MAST2: variants seen among roughly 807,000 people sequenced by gnomAD.
MAST2 encodes the protein microtubule-associated serine/threonine-protein kinase 2.
A neutral mutation model predicts 147.4 loss-of-function variants in MAST2; 70 were observed. The observed-to-expected ratio is 0.47, with a 90% CI of 0.39 to 0.58. The LOEUF (loss-of-function observed/expected upper bound fraction) is 0.58. MAST2 is among the 20% of genes least tolerant of loss of function. The pLI, the probability that MAST2 is intolerant of heterozygous loss-of-function variation, is 0.00. For synonymous variants in MAST2, 869 were observed against 896.8 expected (o/e 0.97, Z 0.55); for missense variants, 2,080 against 2,302.3 (o/e 0.90, Z 1.98).
chr1:45,885,194 G>T (rs1396608779), intron 4 of MAST2, among the ~76,000 whole-genome samples: 3 of 152,120 alleles, frequency 2.0e-5, no homozygotes, highest in Admixed American at 2.0e-4. Context: ...GTCTTGGTCA[G>T]AAGGAGGGGG....
chr1:45,917,535 T>C (rs779008087), intron 4 of MAST2: 1 of 1,366,330 alleles, frequency 7.3e-7, no homozygotes, highest in South Asian at 1.1e-5. Flanking sequence ...GCCGTGGAGG[T>C]AAGGAAACTT....
chr1:45,883,386 G>T (rs1315166148), intron 4 of MAST2, among the ~76,000 whole-genome samples: 1 of 152,130 alleles, frequency 6.6e-6, no homozygotes, highest in African/African-American at 2.4e-5. Flanking sequence ...TGAGGTTTTT[G>T]TGAAGCCTTT....
Position 46,023,396 on chromosome 1 carries a change from G to A in MAST2, c.1571+78G>A. The A allele has an allele frequency of 7.3e-7, 1 of 1,360,672 alleles. No homozygotes were observed. The highest frequency in any genetic ancestry group is 1.1e-6 in the Non-Finnish European group (1 of 951,632). The allele number at this position is 1,360,672 out of a possible 1,614,324, so 84.3% of individuals were successfully genotyped here. ...TCTCTTCCATGTGAGAGTGTATGCT[G>A]CCCAGTCCTCTGGGCAGATGCCTCG... On this transcript the variant is annotated intron_variant, in intron 14 of 28. Coordinates refer to ENST00000361297, the MANE Select transcript of MAST2 (RefSeq NM_015112.3). The surrounding 1 kb of genome is among the most constrained non-coding windows in gnomAD (Gnocchi z 4.9).
chr1:45,966,271 G>A (rs972385506), intron 5 of MAST2, among the ~76,000 whole-genome samples: 1 of 152,110 alleles, frequency 6.6e-6, no homozygotes, highest in Non-Finnish European at 1.5e-5. Flanking sequence ...CTACTGAAGG[G>A]CATCTTGGTT....
chr1:45,989,763 A>G (rs1318675980), intron 5 of MAST2, among the ~76,000 whole-genome samples: 3 of 151,968 alleles, frequency 2.0e-5, no homozygotes, highest in African/African-American at 7.3e-5. Context: ...TCCCGCTGGC[A>G]CCATTGATTG....
intron 4 of MAST2, among the ~76,000 whole-genome samples, chr1:45,922,735 G>A (rs1356833127): frequency 1.3e-5 from 2 of 152,062 alleles, no homozygotes; most frequent in African/African-American, 2.4e-5. Context: ...GCACCTGGGG[G>A]GCTCCCACCC....
At position 46,029,931 on chromosome 1, in the gene MAST2, G is replaced by A; in HGVS notation, c.2421G>A (p.Glu807=). 1 of 1,614,190 alleles carries A rather than the reference G, an allele frequency of 6.2e-7. No individual in the cohort carries two copies. Among genetic ancestry groups the A allele is most frequent in the African/African-American group, 1.3e-5 (1 of 75,064 alleles). ...AATTTATTCCTCAGTTGGAGTCAGA[G>A]GATGATACTAGCTATTTTGACAGTA... The part of the protein sequence containing the change: ...KAEFIPQLES[E]DDTSYFDTRS... The change falls in exon 20 of 29, where the codon GAG becomes GAA. Residue 807 remains glutamate, a synonymous_variant. Coordinates refer to ENST00000361297, the MANE Select transcript of MAST2 (RefSeq NM_015112.3).
Position 45,803,920 on chromosome 1 carries a change from C to T in MAST2, c.25C>T (p.Arg9Ter). ...TATGAAGCGGAGCCGCTGCCGCGAC[C>T]GACCGCAGCCGCCGCCGCCCGACCG... MKRSRCRD[R>*]PQPPPPDRRE... Residue 9 changes from arginine (R) to a stop codon, truncating the protein, a stop_gained, in exon 1 of 29, where the codon CGA becomes TGA. Coordinates refer to ENST00000361297, the MANE Select transcript of MAST2 (RefSeq NM_015112.3). LOFTEE classifies it high-confidence loss of function. 1 of 717,340 alleles carries T rather than the reference C, an allele frequency of 1.4e-6. No homozygotes were observed. Among genetic ancestry groups the T allele is most frequent in the African/African-American group, 1.9e-5 (1 of 53,348 alleles). The allele number at this position is 717,340 out of a possible 1,614,324, so 44.4% of individuals were successfully genotyped here.
chr1:45,993,597 T>C (rs1193308796), intron 5 of MAST2, among the ~76,000 whole-genome samples: 1 of 152,116 alleles, frequency 6.6e-6, no homozygotes, highest in African/African-American at 2.4e-5. Context: ...GGCAGGAGAA[T>C]CTTTTGAACC....
Position 45,804,147 on chromosome 1 carries a change from C to G in MAST2, c.177+75C>G, listed in dbSNP as rs1644069612. The G allele has an allele frequency of 1.0e-5, 12 of 1,161,500 alleles. No homozygotes were observed. In the Admixed American group the frequency reaches 3.0e-4, roughly 29 times the overall value. 71.9% of individuals were successfully genotyped at this position (1,161,500 alleles called of 1,614,324 possible). A position where few individuals can be genotyped will look rare whatever the true frequency, so the allele number is the denominator to read the frequency against. On this transcript the variant is annotated intron_variant, in intron 1 of 28. Coordinates refer to ENST00000361297, the MANE Select transcript of MAST2 (RefSeq NM_015112.3). The stretch of plus-strand genomic sequence containing the variant: ...GGAGGGGATCTTCGGCGGGAGGACC[C>G]GGGCTGGAGCTTTGGAGGGGTGGGG...
rs1005558040 is a variant in MAST2, at chr1:46,031,403, G to A, written c.3005G>A (p.Arg1002Gln). The stretch of plus-strand genomic sequence containing the variant: ...CTTGGGCCTACAGCTATGGAGACCC[G>A]AGGCCGTGGGACCTCACAGCTGGCT... ...SSGSSPAMET[R>Q]GRGTSQLAEG... is the part of the protein sequence containing the mutation. The change falls in exon 24 of 29, where the codon CGA becomes CAA. Residue 1002 changes from arginine (R) to glutamine (Q), a missense_variant. Arg to Gln is a conservative substitution (Grantham distance 43). This residue lies in a region of MAST2 where 1,278 missense variants were observed against 1,304.2 expected (regional missense o/e 0.98). Coordinates refer to ENST00000361297, the MANE Select transcript of MAST2 (RefSeq NM_015112.3). This position sits in a 1 kb window ranked among gnomAD's most constrained non-coding sequence, Gnocchi z 4.1. 57 of 1,612,510 alleles carry A rather than the reference G, an allele frequency of 3.5e-5. No individual in the cohort carries two copies. The highest frequency in any genetic ancestry group is 1.1e-4 in the African/African-American group (8 of 74,900).
chr1:45,887,536 G>C (rs755562381), intron 4 of MAST2, among the ~76,000 whole-genome samples: 2 of 152,180 alleles, frequency 1.3e-5, no homozygotes, highest in Non-Finnish European at 2.9e-5. Context: ...TGCAGTGATA[G>C]GCACTGCATA....
chr1:46,024,194 G>C (rs1646306683), intron 15 of MAST2: 1 of 553,336 alleles, frequency 1.8e-6, no homozygotes, highest in Non-Finnish European at 3.3e-6. Flanking sequence ...TTCTGGGATA[G>C]GATGTAGCAG....
At chr1:45,812,617 G>A (rs1168809806) in intron 1 of MAST2, among the ~76,000 whole-genome samples, 1 of 152,054 alleles carries the variant, frequency 6.6e-6, no homozygotes, top group Admixed American at 6.6e-5. Context: ...GTAGAGACTA[G>A]GTTTCTCCAT....
chr1:45,835,009 T>A (rs987431205), intron 3 of MAST2, among the ~76,000 whole-genome samples: 5 of 152,122 alleles, frequency 3.3e-5, no homozygotes, highest in African/African-American at 1.2e-4. Context: ...CATTTCCATT[T>A]GTACACAGTT....
At chr1:46,011,070 G>A in intron 10 of MAST2, 131 bp downstream of exon 10, 1 of 729,464 alleles carries the variant, frequency 1.4e-6, no homozygotes, top group South Asian at 1.8e-5. Flanking sequence ...CTCAAAGGTA[G>A]AGCTGAGGGA....
chr1:46,007,804 A>G (rs544972369), intron 8 of MAST2, among the ~76,000 whole-genome samples: 1 of 152,356 alleles, frequency 6.6e-6, no homozygotes, highest in Admixed American at 6.5e-5. Context: ...ATAACTCACA[A>G]CAGTCTGGAC....
intron 4 of MAST2, among the ~76,000 whole-genome samples, chr1:45,897,702 G>A (rs1304804902): frequency 6.6e-6 from 1 of 151,996 alleles, no homozygotes; most frequent in South Asian, 2.1e-4. Context: ...CCAGCTACTC[G>A]AGAGGCTGAG....
At chr1:45,985,355 A>G (rs1644571873) in intron 5 of MAST2, among the ~76,000 whole-genome samples, 1 of 152,178 alleles carries the variant, frequency 6.6e-6, no homozygotes, top group South Asian at 2.1e-4. Flanking sequence ...TGGCTTCCCA[A>G]AGTGCTGGGA....
Sources: allele counts gnomAD v4.1 joint callset (sites outside exome capture counted in the v4.1 genomes callset), GRCh38; gene constraint gnomAD v4.1.1; regional missense constraint gnomAD v4.1.1; non-coding constraint Gnocchi (gnomAD v3.1); transcripts MANE v1.5; gene names NCBI Gene and HGNC (gene_info 2026-07-23, HGNC 2026-07-21).